ASCC3: variants seen among roughly 807,000 people sequenced by gnomAD.
ASCC3 encodes ASC-1 complex subunit P200.
A neutral mutation model predicts 256.3 loss-of-function variants in ASCC3; 158 were observed. The observed-to-expected ratio is 0.62, with a 90% CI of 0.54 to 0.70. The LOEUF (loss-of-function observed/expected upper bound fraction) is 0.70. Ranked by LOEUF, ASCC3 falls within the 30% of genes least tolerant of loss-of-function variation. The pLI is 0.00. For missense variants in ASCC3, 2,259 were observed against 2,626.0 expected, an observed-to-expected ratio of 0.86 and a Z score of 3.05; for synonymous variants, 948 against 883.4, an observed-to-expected ratio of 1.07 and a Z score of -1.30.
At chr6:100,687,940 A>C (rs1777662371) in intron 13 of ASCC3, among the ~76,000 whole-genome samples, 1 of 152,112 alleles carries the variant, frequency 6.6e-6, no homozygotes, top group Admixed American at 6.5e-5. Context: ...CTGAAAAGGT[A>C]AAACATAACC....
chr6:100,725,453 C>T, intron 11 of ASCC3, 86 bp downstream of exon 11: 1 of 1,365,258 alleles, frequency 7.3e-7, no homozygotes, highest in Non-Finnish European at 1.0e-6. Context: ...AGCTTTGTAA[C>T]ACAGGTCTAC....
At position 100,655,802 on chromosome 6, in the gene ASCC3, A is replaced by G. The variant is rs557970124; in HGVS notation, c.2720T>C (p.Val907Ala). The change falls in exon 17 of 42, where the codon GTT becomes GCT. Residue 907 changes from valine (V) to alanine (A), a missense_variant. Physicochemically the swap from Val to Ala is moderately conservative, Grantham distance 64. This residue lies in a region of ASCC3 where 1,839 missense variants were observed against 2,206.7 expected (regional missense o/e 0.83). Transcript: ENST00000369162. ...NLNAEIALGT[V>A]TNVEEAVKWI... is the part of the protein sequence containing the mutation. The stretch of plus-strand genomic sequence containing the variant: ...CTTCACTGCTTCTTCCACATTAGTA[A>G]CTGTTCCCAGAGCAATCTGCAAATC... 1 of 1,611,492 alleles carries G rather than the reference A, an allele frequency of 6.2e-7. No individual in the cohort carries two copies. The highest frequency in any genetic ancestry group is 8.5e-7 in the Non-Finnish European group (1 of 1,178,964).
chr6:100,701,617 C>G (rs527444516), intron 13 of ASCC3, among the ~76,000 whole-genome samples: 1 of 152,126 alleles, frequency 6.6e-6, no homozygotes, highest in East Asian at 1.9e-4. Context: ...AAACCAGAGA[C>G]AGCCCTTGTT....
intron 36 of ASCC3, among the ~76,000 whole-genome samples, chr6:100,576,114 C>T (rs991776329): frequency 1.3e-5 from 2 of 151,992 alleles, no homozygotes; most frequent in Non-Finnish European, 2.9e-5. Context: ...AGGAGGAGGG[C>T]ATCAATGGAG....
intron 8 of ASCC3, among the ~76,000 whole-genome samples, chr6:100,792,485 C>A (rs1375639066): frequency 1.3e-5 from 2 of 151,808 alleles, no homozygotes; most frequent in Non-Finnish European, 2.9e-5. Flanking sequence ...ATGCAACATC[C>A]TTTGTGTGGC....
At chr6:100,578,800 T>G (rs1562133003) in intron 36 of ASCC3, among the ~76,000 whole-genome samples, 1 of 152,078 alleles carries the variant, frequency 6.6e-6, no homozygotes, top group African/African-American at 2.4e-5. Flanking sequence ...GATTGCTGGG[T>G]CAAATGGTAG....
At chr6:100,686,712 C>G (rs1293273777) in intron 13 of ASCC3, among the ~76,000 whole-genome samples, 1 of 151,966 alleles carries the variant, frequency 6.6e-6, no homozygotes, top group East Asian at 1.9e-4. Context: ...ACTCTGTACA[C>G]AAGTCATTTT....
chr6:100,740,832 G>A (rs7746947), intron 10 of ASCC3, among the ~76,000 whole-genome samples: 73,460 of 151,970 alleles, frequency 0.48, 17,776 homozygotes, highest in South Asian at 0.68. Context: ...GCAGACTGAT[G>A]GATCTTGGCT....
chr6:100,523,531 C>T (rs796202429), intron 37 of ASCC3, among the ~76,000 whole-genome samples: 6 of 152,234 alleles, frequency 3.9e-5, no homozygotes, highest in African/African-American at 1.2e-4. Flanking sequence ...CGCTGGTCTC[C>T]TCTAGAGTTT....
intron 36 of ASCC3, among the ~76,000 whole-genome samples, chr6:100,567,193 T>C (rs1770307223): frequency 6.6e-6 from 1 of 152,156 alleles, no homozygotes; most frequent in African/African-American, 2.4e-5. Context: ...CACTCAGAGA[T>C]GATCTGTGTT....
chr6:100,634,902 A>G (rs367873878), intron 25 of ASCC3, among the ~76,000 whole-genome samples: 4 of 151,872 alleles, frequency 2.6e-5, no homozygotes, highest in African/African-American at 9.7e-5. Flanking sequence ...AAAGAAAAAA[A>G]TAACACACAT....
Position 100,590,041 on chromosome 6 carries a change from A to G in ASCC3, c.5322T>C (p.Asp1774=), listed in dbSNP as rs778081586. The G allele has an allele frequency of 6.2e-7, 1 of 1,613,002 alleles. No individual in the cohort carries two copies. Among genetic ancestry groups the G allele is most frequent in the Non-Finnish European group, 8.5e-7 (1 of 1,179,098 alleles). The part of the protein sequence containing the change: ...IMNPSYYNLG[D]VSHDSVNKFL... ...ACTTGTTCACAGAATCATGGCTCACATCACCCAAATTGTAATAGCTAGAAA... is the reference window on the plus strand; with the variant it reads ...ACTTGTTCACAGAATCATGGCTCACGTCACCCAAATTGTAATAGCTAGAAA... The change falls in exon 35 of 42, where the codon GAT becomes GAC. Residue 1774 remains aspartate, a synonymous_variant. Coordinates refer to ENST00000369162, the MANE Select transcript of ASCC3 (RefSeq NM_006828.4).
intron 11 of ASCC3, among the ~76,000 whole-genome samples, chr6:100,722,259 G>A (rs763036111): frequency 2.1e-4 from 32 of 151,630 alleles, no homozygotes; most frequent in Non-Finnish European, 4.0e-4. Context: ...GTTTGAAGGT[G>A]GGTAGTGTGA....
chr6:100,596,762 G>A (rs1453418399), intron 34 of ASCC3, among the ~76,000 whole-genome samples: 1 of 151,952 alleles, frequency 6.6e-6, no homozygotes, highest in Non-Finnish European at 1.5e-5. Context: ...TATTATTATA[G>A]TTGACCTGAC....
intron 10 of ASCC3, among the ~76,000 whole-genome samples, chr6:100,761,686 A>G (rs1225880636): frequency 6.6e-6 from 1 of 152,170 alleles, no homozygotes; most frequent in Non-Finnish European, 1.5e-5. Context: ...CTATGGCTGC[A>G]CAAAAAGAGG....
In ASCC3 at chr6:100,868,566, ATTC is replaced by A. The variant is rs1422814216; in HGVS notation, c.-41-531_-41-529del. ...CTGTCTATCAAAGCCCAAAATTTTA[ATTC>A]TTTTTATAGCACTAAGTAATATTTG... On this transcript the variant is annotated intron_variant, in intron 1 of 41. Transcript: ENST00000369162. 5.3e-5 allele frequency among the ~76,000 whole-genome samples: 8 copies of A among 152,310 alleles called. No individual in the cohort carries two copies. The South Asian group carries it at 1.0e-3, about 20-fold the overall frequency.
intron 10 of ASCC3, among the ~76,000 whole-genome samples, chr6:100,741,435 T>C (rs1184199819): frequency 6.6e-6 from 1 of 152,204 alleles, no homozygotes; most frequent in African/African-American, 2.4e-5. Context: ...CCTGTCTTTT[T>C]AGGTTGGGGA....
intron 34 of ASCC3, among the ~76,000 whole-genome samples, chr6:100,598,241 G>A (rs1772415185): frequency 6.6e-6 from 1 of 152,136 alleles, no homozygotes; most frequent in Non-Finnish European, 1.5e-5. Flanking sequence ...GTAGCAAGAT[G>A]TGAGGGAAAG....
At chr6:100,583,670 T>C (rs1430439045) in intron 36 of ASCC3, among the ~76,000 whole-genome samples, 2 of 152,238 alleles carry the variant, frequency 1.3e-5, no homozygotes, top group African/African-American at 4.8e-5. Flanking sequence ...GTTCTTTTAA[T>C]TGTGATGTTA....
Sources: allele counts gnomAD v4.1 joint callset (sites outside exome capture counted in the v4.1 genomes callset), GRCh38; gene constraint gnomAD v4.1.1; regional missense constraint gnomAD v4.1.1; transcripts MANE v1.5; gene names NCBI Gene and HGNC (gene_info 2026-07-23, HGNC 2026-07-21).